FTCDNL1: variants seen among roughly 807,000 people sequenced by gnomAD.
FTCDNL1 encodes formiminotransferase cyclodeaminase N-terminal like.
Under a neutral mutation model 5.9 loss-of-function variants are expected in FTCDNL1, and 11 were observed. That is an observed-to-expected ratio of 1.87 (90% CI 1.18 to 3.10). FTCDNL1 has a LOEUF of 3.10. FTCDNL1 is among the 30% of genes most tolerant of loss of function. FTCDNL1 has a pLI of 0.00. For missense variants in FTCDNL1, 115 were observed against 65.5 expected (o/e 1.76, Z -2.61); for synonymous variants, 58 against 24.8 (o/e 2.34, Z -3.99).
intron 3 of FTCDNL1, among the ~76,000 whole-genome samples, chr2:199,826,603 T>C (rs1389545174): frequency 1.3e-5 from 2 of 152,058 alleles, no homozygotes; most frequent in Non-Finnish European, 2.9e-5. Flanking sequence ...AAGCCCAGCC[T>C]GGCCAACATG....
chr2:199,750,908 T>C, the FTCDNL1 span, among the ~76,000 whole-genome samples: 15 of 152,244 alleles, frequency 9.9e-5, no homozygotes, highest in Non-Finnish European at 1.5e-5. Context: ...CATATTATAA[T>C]TGCTACAGCT....
chr2:199,765,209 G>A lies in FTCDNL1; in HGVS notation c.212-4374C>T, dbSNP rs150262215. 3.7e-3 allele frequency among the ~76,000 whole-genome samples: 560 copies of A among 152,200 alleles called. 12 individuals are homozygous for A. Among genetic ancestry groups the A allele is most frequent in the Admixed American group, 0.028 (428 of 15,282 alleles). On this transcript the variant is annotated intron_variant, in intron 3 of 3. Transcript: ENST00000416668. ...ATGCATTTGTCAAAACCCATGGACT[G>A]TACAACACCAAGAGTGAACCCGAAT...
intron 3 of FTCDNL1, among the ~76,000 whole-genome samples, chr2:199,777,979 T>A (rs1699177861): frequency 6.6e-6 from 1 of 152,146 alleles, no homozygotes; most frequent in Non-Finnish European, 1.5e-5. Flanking sequence ...CTCCATTTAA[T>A]GAATTAAAAA....
chr2:199,692,985 C>T, the FTCDNL1 span, among the ~76,000 whole-genome samples: 2 of 152,212 alleles, frequency 1.3e-5, no homozygotes, highest in Non-Finnish European at 2.9e-5. Flanking sequence ...AAATCATCCT[C>T]AGTAGCTGGA....
At chr2:199,768,254 T>A (rs1698629064) in intron 3 of FTCDNL1, among the ~76,000 whole-genome samples, 1 of 152,164 alleles carries the variant, frequency 6.6e-6, no homozygotes, top group African/African-American at 2.4e-5. Context: ...ATTGGGTTCT[T>A]ATATTTGCAT....
chr2:199,766,450 A>C (rs1403687798), intron 3 of FTCDNL1, among the ~76,000 whole-genome samples: 1 of 152,212 alleles, frequency 6.6e-6, no homozygotes, highest in Admixed American at 6.5e-5. Flanking sequence ...GCAGATTTGA[A>C]TTCCATAAGG....
At chr2:199,760,912 C>T in intron 3 of FTCDNL1, 2 of 697,766 alleles carry the variant, frequency 2.9e-6, no homozygotes, top group Admixed American at 4.0e-5. Context: ...CACTCAACCC[C>T]CATTCCTTTC....
chr2:199,835,743 A>C (rs757479495), intron 3 of FTCDNL1, among the ~76,000 whole-genome samples: 7 of 152,390 alleles, frequency 4.6e-5, no homozygotes, highest in Middle Eastern at 3.4e-3. Context: ...ACCAGGGCCT[A>C]GTATTCAGTC....
chr2:199,681,065 A>C, the FTCDNL1 span, among the ~76,000 whole-genome samples: 1 of 152,200 alleles, frequency 6.6e-6, no homozygotes, highest in African/African-American at 2.4e-5. Context: ...GTTATTGAGA[A>C]TACAGGGAAA....
At chr2:199,807,275 G>A (rs79708036), downstream of FTCDNL1, among the ~76,000 whole-genome samples, 3,093 of 152,232 alleles carry the variant, frequency 0.02, 95 homozygotes, top group African/African-American at 0.068. Context: ...AGGCAGAAGG[G>A]GAACAGAGAA....
chr2:199,780,301 CA>C (rs973371592), intron 3 of FTCDNL1, among the ~76,000 whole-genome samples: 7 of 152,128 alleles, frequency 4.6e-5, no homozygotes, highest in African/African-American at 1.7e-4. Context: ...AGAAATTGAC[CA>C]AGGGCAAATC....
the FTCDNL1 span, among the ~76,000 whole-genome samples, chr2:199,726,230 C>A: frequency 1.3e-5 from 2 of 152,166 alleles, no homozygotes; most frequent in African/African-American, 4.8e-5. Context: ...TGCTTTTTAG[C>A]TCCATCAGGT....
the FTCDNL1 span, among the ~76,000 whole-genome samples, chr2:199,689,008 C>A: frequency 6.6e-6 from 1 of 152,168 alleles, no homozygotes; most frequent in African/African-American, 2.4e-5. Flanking sequence ...AAGATCATGC[C>A]ACTGCACAAT....
the FTCDNL1 span, among the ~76,000 whole-genome samples, chr2:199,690,436 T>C: frequency 2.6e-5 from 4 of 152,182 alleles, no homozygotes; most frequent in Admixed American, 2.6e-4. Context: ...TATTGTACTC[T>C]CAGACCTGCT....
At chr2:199,737,023 C>T in the FTCDNL1 span, among the ~76,000 whole-genome samples, 2 of 152,258 alleles carry the variant, frequency 1.3e-5, no homozygotes, top group Admixed American at 1.3e-4. Flanking sequence ...GACTGCTGAG[C>T]CACAGTGCCT....
At chr2:199,785,358 C>T (rs890488236) in intron 3 of FTCDNL1, among the ~76,000 whole-genome samples, 1 of 147,554 alleles carries the variant, frequency 6.8e-6, no homozygotes, top group African/African-American at 2.5e-5. Flanking sequence ...CGCCATTCTC[C>T]TGCCTCAGCC....
rs553821778 is a variant in FTCDNL1 at position 199,809,574 on chromosome 2, A to G, written c.*3131T>C. Among the ~76,000 whole-genome samples, 3 of 152,318 alleles carry G rather than the reference A, an allele frequency of 2.0e-5. No homozygotes were observed. Among genetic ancestry groups the G allele is most frequent in the East Asian group, 1.9e-4 (1 of 5,192 alleles). On this transcript the variant is annotated 3_prime_UTR_variant, in exon 5 of 5. Transcript: ENST00000420128. Reference sequence around the variant, plus strand: ...TAATTAAAATTGCCATCATTGACACATAGCTTCTTTTAGTATACAAAAAGG... The same window carrying G: ...TAATTAAAATTGCCATCATTGACACGTAGCTTCTTTTAGTATACAAAAAGG...
chr2:199,664,735 C>T, the FTCDNL1 span, among the ~76,000 whole-genome samples: 2 of 152,166 alleles, frequency 1.3e-5, no homozygotes, highest in Non-Finnish European at 2.9e-5. Flanking sequence ...ATGGCGGAGC[C>T]AAGGCATGTG....
intron 3 of FTCDNL1, among the ~76,000 whole-genome samples, chr2:199,802,403 T>C (rs754706336): frequency 6.6e-6 from 1 of 152,204 alleles, no homozygotes; most frequent in Non-Finnish European, 1.5e-5. Flanking sequence ...AATAAAACCC[T>C]GTAACAAGTC....
Sources: gnomAD v4.1 joint callset for allele counts (sites outside exome capture counted in the v4.1 genomes callset) on GRCh38, gnomAD v4.1.1 for gene constraint, MANE v1.5 for transcripts, NCBI Gene and HGNC (gene_info 2026-07-23, HGNC 2026-07-21) for gene names.